TBC1D19: variants seen among roughly 807,000 people sequenced by gnomAD.
TBC1D19 encodes the protein TBC1 domain family member 19.
Under a neutral mutation model 89.0 loss-of-function variants are expected in TBC1D19, and 60 were observed. That is an observed-to-expected ratio of 0.67 (90% confidence interval 0.55 to 0.84). TBC1D19 has a LOEUF of 0.84. Ranked by LOEUF, TBC1D19 falls within the 40% of genes least tolerant of loss-of-function variation. The pLI, the probability that TBC1D19 is intolerant of heterozygous loss-of-function variation, is 0.00. For missense variants in TBC1D19, 500 were observed against 610.8 expected, an observed-to-expected ratio of 0.82 and a Z score of 1.91; for synonymous variants, 189 against 199.7, an observed-to-expected ratio of 0.95 and a Z score of 0.45.
intron 13 of TBC1D19, among the ~76,000 whole-genome samples, chr4:26,704,128 G>A (rs1715549691): frequency 6.6e-6 from 1 of 152,064 alleles, no homozygotes; most frequent in Non-Finnish European, 1.5e-5. Flanking sequence ...GTATTCCAGT[G>A]TTAAGTTAGT....
intron 7 of TBC1D19, among the ~76,000 whole-genome samples, chr4:26,654,146 T>G (rs1174753285): frequency 1.3e-5 from 2 of 152,232 alleles, no homozygotes; most frequent in African/African-American, 4.8e-5. Flanking sequence ...TTAGTTTGTC[T>G]GGATATGAAA....
the TBC1D19 span, among the ~76,000 whole-genome samples, chr4:26,800,729 T>C: frequency 6.6e-6 from 1 of 152,206 alleles, no homozygotes. Flanking sequence ...CTCATTGTGG[T>C]TTTGATTTGC....
chr4:26,823,417 C>T, the TBC1D19 span, among the ~76,000 whole-genome samples: 1 of 152,100 alleles, frequency 6.6e-6, no homozygotes, highest in Non-Finnish European at 1.5e-5. Context: ...GTTTGTGATA[C>T]AATTTGGGTT....
chr4:26,584,317 A>T (rs1056612511), intron 1 of TBC1D19, 25 bp downstream of exon 1: 4 of 1,591,742 alleles, frequency 2.5e-6, no homozygotes, highest in Non-Finnish European at 2.6e-6. Context: ...GTGGGAAGGG[A>T]TGCAGACGGG....
At chr4:26,714,498 G>C (rs1458124586) in intron 13 of TBC1D19, among the ~76,000 whole-genome samples, 1 of 151,922 alleles carries the variant, frequency 6.6e-6, no homozygotes, top group Admixed American at 6.6e-5. Flanking sequence ...CATTTTTGCT[G>C]TTTCTTCACT....
At chr4:26,841,473 G>A in the TBC1D19 span, among the ~76,000 whole-genome samples, 1 of 152,094 alleles carries the variant, frequency 6.6e-6, no homozygotes, top group African/African-American at 2.4e-5. Flanking sequence ...TTGATGCAGA[G>A]GTTGCAATAT....
the TBC1D19 span, among the ~76,000 whole-genome samples, chr4:26,784,917 GACCATGA>G: frequency 6.6e-6 from 1 of 152,188 alleles, no homozygotes; most frequent in Non-Finnish European, 1.5e-5. Context: ...GGTGAATGTT[GACCATGA>G]AAATAATGGT....
At chr4:26,588,849 G>C (rs1003097774) in intron 1 of TBC1D19, among the ~76,000 whole-genome samples, 2 of 152,112 alleles carry the variant, frequency 1.3e-5, no homozygotes, top group South Asian at 2.1e-4. Flanking sequence ...TTATTCTGCT[G>C]TTTCTGTTCC....
At chr4:26,638,897 C>T in intron 6 of TBC1D19, 63 bp downstream of exon 6, 2 of 1,214,880 alleles carry the variant, frequency 1.6e-6, no homozygotes, top group Non-Finnish European at 2.4e-6. Context: ...AACTGTGGAT[C>T]CAAAATAACA....
At chr4:26,665,605 T>C (rs1279600772) in intron 8 of TBC1D19, among the ~76,000 whole-genome samples, 1 of 152,084 alleles carries the variant, frequency 6.6e-6, no homozygotes, top group Non-Finnish European at 1.5e-5. Flanking sequence ...ATGGTCCAAT[T>C]GTACTTAAAA....
chr4:26,682,154 CTACTT>C (rs1433659031), intron 11 of TBC1D19, among the ~76,000 whole-genome samples: 127 of 152,220 alleles, frequency 8.3e-4, no homozygotes, highest in African/African-American at 2.9e-3. Flanking sequence ...TTGCATTACT[CTACTT>C]ATGACAACTG....
chr4:26,842,628 CTTTCTTTCTTT>C, the TBC1D19 span, among the ~76,000 whole-genome samples: 4 of 127,066 alleles, frequency 3.1e-5, 1 homozygote, highest in African/African-American at 1.2e-4. Flanking sequence ...TTCTTTCTTT[CTTTCTTTCTTT>C]CTTTCTTTTT....
chr4:26,642,322 C>A (rs527877219), intron 7 of TBC1D19, among the ~76,000 whole-genome samples: 21 of 152,254 alleles, frequency 1.4e-4, no homozygotes, highest in Admixed American at 3.3e-4. Flanking sequence ...TCATATCCAG[C>A]CAAACTAAGC....
intron 4 of TBC1D19, among the ~76,000 whole-genome samples, chr4:26,630,342 C>T (rs557602809): frequency 1.3e-5 from 2 of 152,130 alleles, no homozygotes; most frequent in East Asian, 3.9e-4. Flanking sequence ...CCTATCTGAA[C>T]ATTTTAAATG....
rs1364425387 is a variant in TBC1D19 at position 26,740,987 on chromosome 4, G to A, written c.1227+1014G>A. On this transcript the variant is annotated intron_variant, in intron 17 of 20. Transcript: ENST00000264866. ...TATCCTGGGTTTCTTATCTCTAAGA[G>A]AACTTGATTTTGTTCTTATCTTACT... 4.1e-6 allele frequency: 4 copies of A among 969,802 alleles called. No individual in the cohort carries two copies. In the South Asian group the frequency reaches 1.4e-4, roughly 35 times the overall value. 60.1% of individuals were successfully genotyped at this position (969,802 alleles called of 1,614,324 possible). A position where few individuals can be genotyped will look rare whatever the true frequency, so the allele number is the denominator to read the frequency against.
In TBC1D19 at chr4:26,715,076, C is replaced by G. The variant is rs1716499090; in HGVS notation, c.955-2857C>G. On this transcript the variant is annotated intron_variant, in intron 13 of 20. Coordinates refer to ENST00000264866, the MANE Select transcript of TBC1D19 (RefSeq NM_018317.4). ...CACTACCATCTATATGTTGATAACT[C>G]TCAAATTTGTATCTTCAGTTTAAAC... 2.0e-5 allele frequency among the ~76,000 whole-genome samples: 3 copies of G among 152,020 alleles called. No homozygotes were observed. The South Asian group carries it at 6.2e-4, about 31-fold the overall frequency.
chr4:26,855,895 CAAT>C, the TBC1D19 span, among the ~76,000 whole-genome samples: 1 of 152,160 alleles, frequency 6.6e-6, no homozygotes, highest in African/African-American at 2.4e-5. Context: ...TTATGGAGTA[CAAT>C]GTTTTGAGCT....
chr4:26,746,470 A>G (rs967306806), intron 18 of TBC1D19, among the ~76,000 whole-genome samples: 2 of 151,604 alleles, frequency 1.3e-5, no homozygotes, highest in Admixed American at 6.6e-5. Flanking sequence ...TTCTCATTTT[A>G]CTATTGGATC....
chr4:26,723,061 T>C (rs1717078130), intron 15 of TBC1D19, among the ~76,000 whole-genome samples: 1 of 152,212 alleles, frequency 6.6e-6, no homozygotes, highest in Non-Finnish European at 1.5e-5. Flanking sequence ...TGATAGGTTC[T>C]AGAAAGATTT....
Sources: allele counts gnomAD v4.1 joint callset (sites outside exome capture counted in the v4.1 genomes callset), GRCh38; gene constraint gnomAD v4.1.1; transcripts MANE v1.5; gene names NCBI Gene and HGNC (gene_info 2026-07-23, HGNC 2026-07-21).